DCDC1: variants seen among roughly 807,000 people sequenced by gnomAD.
DCDC1 encodes doublecortin domain-containing protein 1.
In DCDC1, 200 loss-of-function variants were observed where a neutral mutation model predicts 178.3. The ratio of observed to expected loss-of-function variants is 1.12; its 90% CI spans 1.00 to 1.26. The LOEUF is 1.26. Among genes scored for constraint, DCDC1 ranks in the 50% most tolerant of loss-of-function variants. The pLI is 0.00. For missense variants in DCDC1, 1,983 were observed against 1,749.2 expected (o/e 1.13, Z -2.38); for synonymous variants, 690 against 604.8 (o/e 1.14, Z -2.07).
chr11:30,876,526 CT>C (rs1942137990), intron 38 of DCDC1, among the ~76,000 whole-genome samples: 2 of 152,196 alleles, frequency 1.3e-5, no homozygotes, highest in South Asian at 4.1e-4. Context: ...GTGTTGATGA[CT>C]GTTACATTAC....
At chr11:31,220,114 T>C (rs1974077031) in intron 9 of DCDC1, among the ~76,000 whole-genome samples, 2 of 152,194 alleles carry the variant, frequency 1.3e-5, no homozygotes, top group African/African-American at 2.4e-5. Flanking sequence ...AGGAAGTCCA[T>C]GTCAAAATCA....
intron 9 of DCDC1, among the ~76,000 whole-genome samples, chr11:31,178,094 C>A (rs1171621071): frequency 6.6e-6 from 1 of 152,152 alleles, no homozygotes; most frequent in Non-Finnish European, 1.5e-5. Context: ...GTCTCAATGG[C>A]ACATGAAACA....
intron 11 of DCDC1, among the ~76,000 whole-genome samples, chr11:31,113,196 T>G (rs1959237833): frequency 6.6e-6 from 1 of 152,166 alleles, no homozygotes; most frequent in African/African-American, 2.4e-5. Context: ...TCAGGAAAAG[T>G]CACAAAATAT....
intron 36 of DCDC1, among the ~76,000 whole-genome samples, chr11:30,887,445 G>A (rs1390897947): frequency 6.6e-6 from 1 of 152,188 alleles, no homozygotes. Context: ...TCAACGTAAT[G>A]TGTGCTGTGA....
At chr11:30,961,343 G>T (rs1377993726) in intron 20 of DCDC1, among the ~76,000 whole-genome samples, 1 of 151,986 alleles carries the variant, frequency 6.6e-6, no homozygotes, top group Non-Finnish European at 1.5e-5. Context: ...TTCCAATAAG[G>T]TAATGAACAT....
intron 20 of DCDC1, among the ~76,000 whole-genome samples, chr11:31,042,052 T>C (rs554907868): frequency 6.6e-6 from 1 of 152,212 alleles, no homozygotes; most frequent in Non-Finnish European, 1.5e-5. Context: ...CCTTCTTGTC[T>C]TTCTTTCCCT....
At chr11:31,020,322 G>A (rs574754919) in intron 20 of DCDC1, among the ~76,000 whole-genome samples, 1 of 152,084 alleles carries the variant, frequency 6.6e-6, no homozygotes, top group Non-Finnish European at 1.5e-5. Context: ...TGTCAATGTT[G>A]ATTTCCCACT....
intron 9 of DCDC1, among the ~76,000 whole-genome samples, chr11:31,151,466 C>T (rs1275752063): frequency 6.6e-6 from 1 of 152,140 alleles, no homozygotes; most frequent in Admixed American, 6.5e-5. Flanking sequence ...TAAAGATCCC[C>T]TGGCTGTCTG....
intron 21 of DCDC1, among the ~76,000 whole-genome samples, chr11:30,945,710 ATC>A (rs1947983772): frequency 2.4e-5 from 3 of 125,880 alleles, no homozygotes; most frequent in Non-Finnish European, 5.1e-5. Context: ...CTATCTATCT[ATC>A]TATCTATCTA....
chr11:31,162,910 GA>G (rs1384801104), intron 9 of DCDC1, among the ~76,000 whole-genome samples: 3 of 152,170 alleles, frequency 2.0e-5, no homozygotes, highest in African/African-American at 7.2e-5. Context: ...GCACAGCTGT[GA>G]AATCTGAGTC....
intron 9 of DCDC1, among the ~76,000 whole-genome samples, chr11:31,140,774 A>G (rs1241305030): frequency 1.3e-5 from 2 of 152,192 alleles, no homozygotes; most frequent in Non-Finnish European, 2.9e-5. Flanking sequence ...AAAAAAATCC[A>G]CAAAGGTGTA....
Position 30,974,482 on chromosome 11 carries a change from GA to G in DCDC1, c.2592-21915del, listed in dbSNP as rs1156717763. Among the ~76,000 whole-genome samples the G allele has an allele frequency of 8.6e-5, 13 of 151,848 alleles. No individual in the cohort carries two copies. The East Asian group carries it at 2.3e-3, about 27-fold the overall frequency. On this transcript the variant is annotated intron_variant, in intron 20 of 38. Transcript: ENST00000684477. Reference sequence around the variant, plus strand: ...ATGAACTGTTAGCTAGAATCATCAAGAAAAAAAGAGAGAAGACCCAAATAAA... The same window carrying G: ...ATGAACTGTTAGCTAGAATCATCAAGAAAAAAGAGAGAAGACCCAAATAAA...
chr11:30,942,417 T>C (rs1947715576), intron 21 of DCDC1, among the ~76,000 whole-genome samples: 1 of 152,098 alleles, frequency 6.6e-6, no homozygotes, highest in Non-Finnish European at 1.5e-5. Context: ...GTGAGAGAGA[T>C]GGTGAGGGAA....
In DCDC1 at chr11:30,906,649, T is replaced by C; in HGVS notation, c.3995A>G (p.Glu1332Gly). 6.2e-7 allele frequency: 1 copy of C among 1,613,736 alleles called. No homozygotes were observed. Among genetic ancestry groups the C allele is most frequent in the Non-Finnish European group, 8.5e-7 (1 of 1,179,754 alleles). The change falls in exon 30 of 39, where the codon GAG (glutamate) becomes GGG (glycine). Residue 1332 changes from glutamate (E) to glycine (G), a missense_variant. Transcript: ENST00000684477. Reference protein sequence around the residue: ...CLACGQSMRTEKGLKQLLPGV... With the variant: ...CLACGQSMRTGKGLKQLLPGV... ...TGGAAGCAATTGTTTCAGTCCTTTC[T>C]CTGTTCTCATGGATTGTCCACAAGC... is the stretch of plus-strand genomic sequence containing the variant.
chr11:31,331,471 G>A (rs992831537), intron 2 of DCDC1, among the ~76,000 whole-genome samples: 1 of 152,144 alleles, frequency 6.6e-6, no homozygotes, highest in Non-Finnish European at 1.5e-5. Context: ...GTTTTCAAAG[G>A]GAATGCTTCC....
intron 9 of DCDC1, among the ~76,000 whole-genome samples, chr11:31,236,711 C>A (rs192658577): frequency 6.6e-6 from 1 of 152,000 alleles, no homozygotes; most frequent in East Asian, 1.9e-4. Context: ...AAATTACTTA[C>A]CAGAACCTTC....
At chr11:31,156,400 C>T (rs1330021499) in intron 9 of DCDC1, among the ~76,000 whole-genome samples, 1 of 151,942 alleles carries the variant, frequency 6.6e-6, no homozygotes, top group Non-Finnish European at 1.5e-5. Flanking sequence ...GGCTTAGCAA[C>T]CCCTGAATTG....
At chr11:31,207,519 A>T (rs996020383) in intron 9 of DCDC1, among the ~76,000 whole-genome samples, 1 of 152,180 alleles carries the variant, frequency 6.6e-6, no homozygotes, top group African/African-American at 2.4e-5. Flanking sequence ...TTACCAGCAC[A>T]CCTGCATGTG....
rs189676243 is a variant in DCDC1 at position 31,310,230 on chromosome 11, A to G, written c.165-2322T>C. 2.5e-3 allele frequency among the ~76,000 whole-genome samples: 382 copies of G among 151,028 alleles called. 3 individuals carry two copies. The South Asian group carries it at 0.03, about 12-fold the overall frequency. On this transcript the variant is annotated intron_variant, in intron 3 of 38. Transcript: ENST00000684477. ...GGTAGTTTTTTATGTTAAAGAGTTA[A>G]TATTATTGGTCCACTATGAATAGTC...
Sources: allele counts gnomAD v4.1 joint callset (sites outside exome capture counted in the v4.1 genomes callset), GRCh38; gene constraint gnomAD v4.1.1; transcripts MANE v1.5; gene names NCBI Gene and HGNC (gene_info 2026-07-23, HGNC 2026-07-21).